EXOSC10: variants seen among roughly 807,000 people sequenced by gnomAD.
EXOSC10 encodes exosome component 10.
In EXOSC10, 94 loss-of-function variants were observed where a neutral mutation model predicts 126.6. The ratio of observed to expected loss-of-function variants is 0.74; its 90% CI spans 0.63 to 0.88. The LOEUF is 0.88. EXOSC10 is among the 40% of genes least tolerant of loss of function. EXOSC10 has a pLI of 0.00. For missense variants in EXOSC10, 1,041 were observed against 1,100.5 expected, an observed-to-expected ratio of 0.95 and a Z score of 0.77; for synonymous variants, 395 against 400.8, an observed-to-expected ratio of 0.99 and a Z score of 0.17.
intron 14 of EXOSC10, among the ~76,000 whole-genome samples, chr1:11,078,144 G>A (rs112649098): frequency 0.072 from 10,893 of 152,074 alleles, 611 homozygotes; most frequent in East Asian, 0.15. Flanking sequence ...GTATGGTGGT[G>A]TATGCCTGTG....
At chr1:11,072,343 C>T (rs540446773) in intron 19 of EXOSC10, 172 bp from the exon 20 acceptor site, 5 of 565,482 alleles carry the variant, frequency 8.8e-6, no homozygotes, top group Non-Finnish European at 1.3e-5. Flanking sequence ...GGCTTTATTG[C>T]TAAAATCCCT....
intron 19 of EXOSC10, chr1:11,072,388 G>A (rs530022071): frequency 1.3e-4 from 61 of 483,040 alleles, no homozygotes; most frequent in African/African-American, 1.1e-3. Flanking sequence ...TCCAGGCACT[G>A]GGCCATCCAT....
chr1:11,072,966 T>C (rs901507794), intron 19 of EXOSC10: 2 of 152,180 alleles, frequency 1.3e-5, no homozygotes, highest in African/African-American at 4.8e-5. Context: ...ATAAGTAAGA[T>C]AGAGTGTTTT....
intron 23 of EXOSC10, chr1:11,068,406 T>A (rs556813112): frequency 8.4e-6 from 5 of 594,848 alleles, no homozygotes; most frequent in Non-Finnish European, 1.2e-5. Flanking sequence ...CCTGCAGCTA[T>A]AGTTCCCATG....
Position 11,068,117 on chromosome 1 carries a change from G to A in EXOSC10, c.2551-33C>T, listed in dbSNP as rs780934761. 3.1e-6 allele frequency: 5 copies of A among 1,588,674 alleles called. No individual in the cohort carries two copies. The East Asian group carries it at 1.1e-4, about 36-fold the overall frequency. On this transcript the variant is annotated intron_variant, in intron 23 of 24. Transcript: ENST00000376936. Reference sequence around the variant, plus strand: ...GAAAAGAAACCGTTTAAGCTGGGTGGGCACCTTGACCACAAGATACACAGA... The same window carrying A: ...GAAAAGAAACCGTTTAAGCTGGGTGAGCACCTTGACCACAAGATACACAGA...
At chr1:11,094,754 C>A (rs2100233748) in intron 3 of EXOSC10, among the ~76,000 whole-genome samples, 1 of 152,216 alleles carries the variant, frequency 6.6e-6, no homozygotes, top group Non-Finnish European at 1.5e-5. Context: ...GTGTGTGCCA[C>A]CATGGCCTGG....
chr1:11,083,367 GC>G (rs1312896501), intron 9 of EXOSC10, among the ~76,000 whole-genome samples: 1 of 152,038 alleles, frequency 6.6e-6, no homozygotes, highest in Non-Finnish European at 1.5e-5. Flanking sequence ...TTTGAGACCA[GC>G]CTGACCAACA....
intron 5 of EXOSC10, 104 bp from the exon 6 acceptor site, chr1:11,090,772 G>A: frequency 1.1e-6 from 1 of 900,404 alleles, no homozygotes; most frequent in Non-Finnish European, 1.7e-6. Context: ...TTTTTTTTGA[G>A]ACAGGGTCAT....
intron 15 of EXOSC10, 41 bp downstream of exon 15, chr1:11,077,560 C>G: frequency 6.2e-7 from 1 of 1,611,902 alleles, no homozygotes; most frequent in Non-Finnish European, 8.5e-7. Context: ...TGTGACTTGA[C>G]GTTTTCCCTC....
chr1:11,069,227 C>CTGTG (rs146028725), intron 22 of EXOSC10, among the ~76,000 whole-genome samples: 7 of 135,344 alleles, frequency 5.2e-5, no homozygotes, highest in African/African-American at 1.3e-4. Flanking sequence ...AAACAAAATT[C>CTGTG]TGTGTGTGTG....
chr1:11,081,094 G>A lies in EXOSC10; in HGVS notation c.1425C>T (p.Asp475=). Residue 475 remains aspartate (D), a synonymous_variant, in exon 11 of 25, where the codon GAC becomes GAT. Coordinates refer to ENST00000376936, the MANE Select transcript of EXOSC10 (RefSeq NM_001001998.3). ...GGCTGAGGTGTACCTTGAGGCAGAT[G>A]TCCCTGCTCCGTTGCCACACCACCT... ...QLQVVWQRSR[D]ICLKKFIKPI... 1 of 1,614,186 alleles carries A rather than the reference G, an allele frequency of 6.2e-7. No homozygotes were observed. The highest frequency in any genetic ancestry group is 8.5e-7 in the Non-Finnish European group (1 of 1,180,034).
chr1:11,087,498 T>C lies in EXOSC10; in HGVS notation c.1039A>G (p.Ser347Gly), dbSNP rs761709203. 1.6e-5 allele frequency: 26 copies of C among 1,614,002 alleles called. No homozygotes were observed. Among genetic ancestry groups the C allele is most frequent in the Non-Finnish European group, 1.9e-5 (23 of 1,180,030 alleles). ...CTCTCATTGAGAATGTACATGTCAC[T>C]TCGAAGCTCGAGGGTGTCAATGATG... is the stretch of plus-strand genomic sequence containing the variant. ...DFIIDTLELR[S>G]DMYILNESLT... The change falls in exon 9 of 25, where the codon AGT becomes GGT. Residue 347 changes from serine to glycine, a missense_variant. Around this residue, in one of 3 missense-constraint regions of EXOSC10, gnomAD observed 645 missense variants for 656.3 expected, o/e 0.98. Coordinates refer to ENST00000376936, the MANE Select transcript of EXOSC10 (RefSeq NM_001001998.3).
intron 5 of EXOSC10, 21 bp downstream of exon 5, chr1:11,090,993 G>T: frequency 6.2e-7 from 1 of 1,609,314 alleles, no homozygotes. Flanking sequence ...CTCAAACACA[G>T]GCAAAGTATG....
At chr1:11,073,610 C>T (rs1205593064) in intron 19 of EXOSC10, among the ~76,000 whole-genome samples, 2 of 152,008 alleles carry the variant, frequency 1.3e-5, no homozygotes, top group African/African-American at 4.8e-5. Context: ...TCTTTTAGGG[C>T]CAGGCGCAGT....
intron 9 of EXOSC10, among the ~76,000 whole-genome samples, chr1:11,085,640 A>G (rs1315593327): frequency 6.6e-6 from 1 of 152,208 alleles, no homozygotes. Context: ...TGCCCTGGCC[A>G]GAACTTCCAA....
At chr1:11,092,736 C>G (rs1006140068) in intron 3 of EXOSC10, among the ~76,000 whole-genome samples, 1 of 152,076 alleles carries the variant, frequency 6.6e-6, no homozygotes, top group Non-Finnish European at 1.5e-5. Context: ...CCAAGCTGGT[C>G]TTGAACTCTT....
chr1:11,081,380 T>A, intron 10 of EXOSC10, 142 bp from the exon 11 acceptor site: 2 of 863,196 alleles, frequency 2.3e-6, no homozygotes, highest in South Asian at 3.5e-5. Context: ...TATGCCAACA[T>A]TTCCTGCATT....
At chr1:11,074,110 C>A in intron 18 of EXOSC10, 102 bp from the exon 19 acceptor site, 1 of 1,394,682 alleles carries the variant, frequency 7.2e-7, no homozygotes. Context: ...TTGTCAGCGT[C>A]TTTGCCAGGA....
chr1:11,072,491 A>C (rs1639565551), intron 19 of EXOSC10: 1 of 231,358 alleles, frequency 4.3e-6, no homozygotes, highest in Non-Finnish European at 8.6e-6. Context: ...AGAGTAAATA[A>C]CTTGTCCAAG....
Sources: gnomAD v4.1 joint callset for allele counts (sites outside exome capture counted in the v4.1 genomes callset) on GRCh38, gnomAD v4.1.1 for gene constraint, gnomAD v4.1.1 regional missense constraint, MANE v1.5 for transcripts, NCBI Gene and HGNC (gene_info 2026-07-23, HGNC 2026-07-21) for gene names.